The following KCTD16 variants were observed in gnomAD, a reference collection of about 807,000 sequenced individuals.
KCTD16 encodes BTB/POZ domain-containing protein KCTD16.
KCTD16 carries 13 observed loss-of-function variants against 33.2 expected under a neutral mutation model. That is an observed-to-expected ratio of 0.39 (90% CI 0.25 to 0.62). The LOEUF (loss-of-function observed/expected upper bound fraction) is 0.62, where lower values mean the gene tolerates loss of function less well. Ranked by LOEUF, KCTD16 falls within the 20% of genes least tolerant of loss-of-function variation. The probability of loss-of-function intolerance (pLI) is 0.50; values close to 1 mark genes in which losing one functional copy is unlikely to be tolerated. For missense variants in KCTD16, 441 were observed against 525.1 expected, an observed-to-expected ratio of 0.84 and a Z score of 1.57; for synonymous variants, 197 against 195.3, an observed-to-expected ratio of 1.01 and a Z score of -0.07.
intron 2 of KCTD16, among the ~76,000 whole-genome samples, chr5:144,178,040 G>T (rs114036917): frequency 1.5e-3 from 234 of 152,242 alleles, no homozygotes; most frequent in African/African-American, 5.3e-3. Context: ...TGGATGTCTA[G>T]TTTAACACTT....
chr5:144,394,595 C>T (rs545548005), intron 3 of KCTD16, among the ~76,000 whole-genome samples: 103 of 152,240 alleles, frequency 6.8e-4, no homozygotes, highest in African/African-American at 2.4e-3. Context: ...CCCCATAATC[C>T]CCACATGTCG....
Position 144,206,461 on chromosome 5 carries a change from T to G in KCTD16, c.-254T>G. The G allele has an allele frequency of 2.4e-6, 1 of 408,410 alleles. No homozygotes were observed. Among genetic ancestry groups the G allele is most frequent in the Non-Finnish European group, 4.3e-6 (1 of 230,380 alleles). 25.3% of individuals were successfully genotyped at this position (408,410 alleles called of 1,614,324 possible). On this transcript the variant is annotated 5_prime_UTR_variant, in exon 3 of 4. Transcript: ENST00000512467. ...TGATGGAAGATTGGATATAGACGAG[T>G]TGATTATATTTTATGAAGTAGCAGC... is the stretch of plus-strand genomic sequence containing the variant.
intron 3 of KCTD16, among the ~76,000 whole-genome samples, chr5:144,411,073 A>G (rs1752921544): frequency 6.6e-6 from 1 of 152,258 alleles, no homozygotes; most frequent in Non-Finnish European, 1.5e-5. Flanking sequence ...TATGCTCATG[A>G]TTAAAAAGAT....
chr5:144,367,017 C>T (rs1751852208), intron 3 of KCTD16, among the ~76,000 whole-genome samples: 1 of 152,158 alleles, frequency 6.6e-6, no homozygotes, highest in African/African-American at 2.4e-5. Context: ...GGGGTCAGCT[C>T]ATGACCTCTG....
At chr5:144,359,617 G>T (rs1751657505) in intron 3 of KCTD16, among the ~76,000 whole-genome samples, 1 of 151,150 alleles carries the variant, frequency 6.6e-6, no homozygotes, top group Admixed American at 6.6e-5. Context: ...TCCAACACTT[G>T]GCAGTATCTG....
intron 3 of KCTD16, among the ~76,000 whole-genome samples, chr5:144,415,405 C>A (rs954684884): frequency 6.6e-6 from 1 of 152,026 alleles, no homozygotes; most frequent in Non-Finnish European, 1.5e-5. Context: ...CATTGTGGAG[C>A]AGAGGAAAGG....
intron 3 of KCTD16, among the ~76,000 whole-genome samples, chr5:144,259,587 G>A (rs1228955581): frequency 6.6e-6 from 1 of 152,178 alleles, no homozygotes; most frequent in East Asian, 1.9e-4. Context: ...AGAAATGGGT[G>A]TTTCCATTTG....
intron 3 of KCTD16, among the ~76,000 whole-genome samples, chr5:144,220,940 C>CA (rs748978902): frequency 0.092 from 9,153 of 99,342 alleles, 631 homozygotes; most frequent in African/African-American, 0.23. Context: ...GACTACGTCT[C>CA]AAAAAAAAAA....
In KCTD16 at chr5:144,439,994, C is replaced by T. The variant is rs539300224; in HGVS notation, c.833-33666C>T. Reference sequence around the variant, plus strand: ...TAAAAAAGCCCACTAACAACAGACACAGAAAATGTCACAGAGCAAAATGCA... The same window carrying T: ...TAAAAAAGCCCACTAACAACAGACATAGAAAATGTCACAGAGCAAAATGCA... On this transcript the variant is annotated intron_variant, in intron 3 of 3. Coordinates refer to ENST00000512467, the MANE Select transcript of KCTD16 (RefSeq NM_020768.4). 2.0e-4 allele frequency among the ~76,000 whole-genome samples: 30 copies of T among 151,024 alleles called. No homozygotes were observed. The South Asian group carries it at 4.0e-3, about 20-fold the overall frequency.
intron 2 of KCTD16, among the ~76,000 whole-genome samples, chr5:144,189,161 T>C (rs184520300): frequency 3.5e-4 from 53 of 152,288 alleles, no homozygotes; most frequent in Admixed American, 3.1e-3. Flanking sequence ...CTTAACCTAC[T>C]TGGAGAACAT....
intron 3 of KCTD16, among the ~76,000 whole-genome samples, chr5:144,319,568 A>G (rs138550511): frequency 3.9e-5 from 6 of 152,288 alleles, no homozygotes; most frequent in Non-Finnish European, 8.8e-5. Flanking sequence ...CATTTTTTGA[A>G]GTCTTAAGTA....
At chr5:144,236,214 A>C (rs1281721480) in intron 3 of KCTD16, among the ~76,000 whole-genome samples, 1 of 152,182 alleles carries the variant, frequency 6.6e-6, no homozygotes, top group East Asian at 1.9e-4. Context: ...GCTATATCTG[A>C]GAGCAAAATT....
At chr5:144,303,221 T>G (rs1751492732) in intron 3 of KCTD16, among the ~76,000 whole-genome samples, 1 of 152,180 alleles carries the variant, frequency 6.6e-6, no homozygotes, top group African/African-American at 2.4e-5. Context: ...TCTAGTTAAC[T>G]CATGTTTTCT....
intron 3 of KCTD16, among the ~76,000 whole-genome samples, chr5:144,332,766 T>C (rs1752390106): frequency 6.6e-6 from 1 of 152,122 alleles, no homozygotes; most frequent in African/African-American, 2.4e-5. Flanking sequence ...CTCCATTTGA[T>C]CTTATGTATT....
At chr5:144,444,847 A>G (rs1341725729) in intron 3 of KCTD16, among the ~76,000 whole-genome samples, 11 of 150,496 alleles carry the variant, frequency 7.3e-5, no homozygotes, top group African/African-American at 2.7e-4. Context: ...TGTAATATAT[A>G]TATATATATG....
chr5:144,263,689 T>C (rs2126841072), intron 3 of KCTD16, among the ~76,000 whole-genome samples: 1 of 152,288 alleles, frequency 6.6e-6, no homozygotes, highest in Non-Finnish European at 1.5e-5. Flanking sequence ...ATGACTGCAG[T>C]TTGGGAAAGT....
At chr5:144,467,196 T>C (rs1754367088) in intron 3 of KCTD16, among the ~76,000 whole-genome samples, 1 of 150,492 alleles carries the variant, frequency 6.6e-6, no homozygotes. Flanking sequence ...TCTGGGTCAG[T>C]ATGTTTTTGT....
chr5:144,219,649 T>A lies in KCTD16; in HGVS notation c.832+12103T>A, dbSNP rs146102467. Among the ~76,000 whole-genome samples, 487 of 151,360 alleles carry A rather than the reference T, an allele frequency of 3.2e-3. 4 individuals carry two copies. Among genetic ancestry groups the A allele is most frequent in the African/African-American group, 0.011 (471 of 41,206 alleles). ...GATTCTTCTGCCTCAGCCTCCTGAG[T>A]AGCTGGGACTCCAGGCATCCAACAC... On this transcript the variant is annotated intron_variant, in intron 3 of 3. Transcript: ENST00000512467.
chr5:144,306,929 A>G (rs1333346594), intron 3 of KCTD16, among the ~76,000 whole-genome samples: 4 of 152,204 alleles, frequency 2.6e-5, no homozygotes, highest in Admixed American at 2.6e-4. Context: ...AACCAAAGAA[A>G]AATTCTCTCT....
Sources: gnomAD v4.1 joint callset for allele counts (sites outside exome capture counted in the v4.1 genomes callset) on GRCh38, gnomAD v4.1.1 for gene constraint, MANE v1.5 for transcripts, NCBI Gene and HGNC (gene_info 2026-07-23, HGNC 2026-07-21) for gene names.